CEP290: variants seen among roughly 807,000 people sequenced by gnomAD.
CEP290 encodes the protein centrosomal protein 290.
A neutral mutation model predicts 344.9 loss-of-function variants in CEP290; 317 were observed. That is an observed-to-expected ratio of 0.92 (90% confidence interval 0.84 to 1.01). The LOEUF is 1.01. Among genes scored for constraint, CEP290 ranks in the 50% least tolerant of loss-of-function variants. CEP290 has a pLI of 0.00. For missense variants in CEP290, 2,754 were observed against 2,761.4 expected, an observed-to-expected ratio of 1.00 and a Z score of 0.06; for synonymous variants, 932 against 895.8, an observed-to-expected ratio of 1.04 and a Z score of -0.72.
chr12:88,111,923 T>G, intron 20 of CEP290, 65 bp from the exon 21 acceptor site: 1 of 1,180,656 alleles, frequency 8.5e-7, no homozygotes, highest in Non-Finnish European at 1.1e-6. Context: ...TAAAAAACAG[T>G]CTGTCTTTAA....
intron 43 of CEP290, 55 bp downstream of exon 43, chr12:88,071,238 AG>A: frequency 2.2e-6 from 3 of 1,364,890 alleles, no homozygotes; most frequent in Non-Finnish European, 3.1e-6. Flanking sequence ...TTCAATTTCT[AG>A]GGGTCAACCA....
At chr12:88,105,253 T>C (rs1225340342) in intron 25 of CEP290, among the ~76,000 whole-genome samples, 1 of 152,188 alleles carries the variant, frequency 6.6e-6, no homozygotes, top group Admixed American at 6.5e-5. Context: ...GAGTCAACTT[T>C]AAAGGACTCT....
At chr12:88,108,370 A>G (rs892061401) in intron 23 of CEP290, among the ~76,000 whole-genome samples, 2 of 152,246 alleles carry the variant, frequency 1.3e-5, no homozygotes, top group East Asian at 1.9e-4. Flanking sequence ...CTCTTCTTCA[A>G]TGGGCACATC....
At chr12:88,126,774 G>A (rs997979269) in intron 11 of CEP290, among the ~76,000 whole-genome samples, 6 of 151,966 alleles carry the variant, frequency 3.9e-5, no homozygotes, top group Admixed American at 2.6e-4. Context: ...TATGAAGTAT[G>A]CATTAAAATG....
chr12:88,104,544 A>T (rs571759382), intron 25 of CEP290, among the ~76,000 whole-genome samples: 2 of 152,176 alleles, frequency 1.3e-5, no homozygotes, highest in South Asian at 4.1e-4. Flanking sequence ...TTGCATATAT[A>T]AATATTGTAT....
intron 25 of CEP290, among the ~76,000 whole-genome samples, chr12:88,105,035 T>C (rs975755214): frequency 6.6e-5 from 10 of 152,316 alleles, no homozygotes; most frequent in Admixed American, 5.9e-4. Flanking sequence ...GTGGCAATGA[T>C]ACTCTGAGAG....
chr12:88,121,454 A>G (rs2039394495), intron 13 of CEP290, among the ~76,000 whole-genome samples: 1 of 152,084 alleles, frequency 6.6e-6, no homozygotes, highest in Admixed American at 6.6e-5. Flanking sequence ...AGCTGTTCCT[A>G]ATATTTAACC....
At chr12:88,141,160 A>G (rs2138302183) in intron 2 of CEP290, 46 bp downstream of exon 2, 1 of 1,319,878 alleles carries the variant, frequency 7.6e-7, no homozygotes, top group Non-Finnish European at 1.0e-6. Flanking sequence ...TAATAAATTA[A>G]TCATAAGTTA....
At chr12:88,128,862 T>A (rs1231775818) in intron 11 of CEP290, 84 bp downstream of exon 11, 1 of 748,736 alleles carries the variant, frequency 1.3e-6, no homozygotes, top group African/African-American at 1.9e-5. Flanking sequence ...TAAACCAGTA[T>A]AAGACATTTA....
chr12:88,112,305 C>T (rs1159498030), intron 20 of CEP290, among the ~76,000 whole-genome samples: 2 of 152,000 alleles, frequency 1.3e-5, no homozygotes, highest in African/African-American at 4.8e-5. Context: ...TTATATAGCA[C>T]CTGCATTCAA....
At chr12:88,138,707 T>C (rs149287643) in intron 5 of CEP290, among the ~76,000 whole-genome samples, 60 of 152,304 alleles carry the variant, frequency 3.9e-4, no homozygotes, top group Admixed American at 1.6e-3. Context: ...AGGAAAAGGG[T>C]ATTCCTCCTT....
At chr12:88,075,547 G>GA (rs891779853) in intron 41 of CEP290, among the ~76,000 whole-genome samples, 62 of 144,552 alleles carry the variant, frequency 4.3e-4, no homozygotes, top group Non-Finnish European at 5.0e-4. Flanking sequence ...AATAAAAAAA[G>GA]AAAAAAAAAA....
chr12:88,080,243 G>A lies in CEP290; in HGVS notation c.5165C>T (p.Thr1722Ile), dbSNP rs2036097010. ...KEANSRAPTT[T>I]MRNLVERLKS... ...TAGCCGTTCTACTAGATTTCTCATT[G>A]TAGTTGTTGGAGCTCTTGAATTTGC... Residue 1722 changes from threonine to isoleucine, a missense_variant, in exon 38 of 54, where the codon ACA (threonine) becomes ATA (isoleucine). Thr to Ile is a moderately conservative substitution (Grantham distance 89). Transcript: ENST00000552810. The A allele has an allele frequency of 6.2e-7, 1 of 1,613,082 alleles. No homozygotes were observed. Among genetic ancestry groups the A allele is most frequent in the African/African-American group, 1.3e-5 (1 of 74,856 alleles).
At chr12:88,139,594 T>G in intron 3 of CEP290, 30 bp from the exon 4 acceptor site, 1 of 1,489,298 alleles carries the variant, frequency 6.7e-7, no homozygotes, top group Non-Finnish European at 9.0e-7. Context: ...TATTTCAATA[T>G]GCCTTTATAC....
At chr12:88,072,225 T>C (rs556319167) in intron 41 of CEP290, among the ~76,000 whole-genome samples, 85 of 152,246 alleles carry the variant, frequency 5.6e-4, no homozygotes, top group African/African-American at 2.0e-3. Context: ...CACATACACC[T>C]TCTACACATA....
rs545964640 is a variant in CEP290, at chr12:88,077,261, T to G, written c.5670A>C (p.Gly1890=). The G allele has an allele frequency of 5.0e-6, 8 of 1,605,512 alleles. No homozygotes were observed. In the Admixed American group the frequency reaches 1.0e-4, roughly 20 times the overall value. ...GTTTTAGGTCTACTTCCTCCACCTT[T>G]CCCTCTAATTGGTTCTCTAGTTTTT... ...KVKKLENQLE[G]KVEEVDLKPM... The change falls in exon 41 of 54, where the codon GGA becomes GGC. Residue 1890 remains glycine, a synonymous_variant. Transcript: ENST00000552810.
rs767850697 is a variant in CEP290 at position 88,060,011 on chromosome 12, C to G, written c.6532G>C (p.Glu2178Gln). 1.3e-6 allele frequency: 2 copies of G among 1,546,380 alleles called. No homozygotes were observed. Among genetic ancestry groups the G allele is most frequent in the Non-Finnish European group, 8.7e-7 (1 of 1,149,636 alleles). Residue 2178 changes from glutamate to glutamine, a missense_variant, in exon 48 of 54, where the codon GAA becomes CAA. Physicochemically the swap from Glu to Gln is conservative, Grantham distance 29 (BLOSUM62 2). Transcript: ENST00000552810. Reference sequence around the variant, plus strand: ...TGCCCAAGATGAGCTTTAAGTTTTTCTAATTCAGCCTAGTAAAAAAACAAA... The same window carrying G: ...TGCCCAAGATGAGCTTTAAGTTTTTGTAATTCAGCCTAGTAAAAAAACAAA... ...QENEKLKAEL[E>Q]KLKAHLGHQL...
intron 52 of CEP290, among the ~76,000 whole-genome samples, chr12:88,051,365 A>C (rs894937959): frequency 6.6e-6 from 1 of 151,848 alleles, no homozygotes; most frequent in Non-Finnish European, 1.5e-5. Context: ...TGCCTGGCTA[A>C]TTTTTATATT....
At position 88,089,379 on chromosome 12, in the gene CEP290, G is replaced by C. The variant is rs1282211647; in HGVS notation, c.3682C>G (p.Leu1228Val). ...LGKLESITSKLQKMEAYNLRL... is the reference protein window; with the variant it reads ...LGKLESITSKVQKMEAYNLRL... ...AAGTTGTAGGCCTCCATCTTCTGCA[G>C]TTTAGATGTAATTGACTCCAACTTA... Residue 1228 changes from leucine (L) to valine (V), a missense_variant, in exon 31 of 54, where the codon CTG becomes GTG. By Grantham distance (32) the Leu-to-Val change is conservative. Coordinates refer to ENST00000552810, the MANE Select transcript of CEP290 (RefSeq NM_025114.4). 1.1e-5 allele frequency: 17 copies of C among 1,613,818 alleles called. No homozygotes were observed. The highest frequency in any genetic ancestry group is 1.4e-5 in the Non-Finnish European group (17 of 1,179,816).
Sources: gnomAD v4.1 joint callset for allele counts (sites outside exome capture counted in the v4.1 genomes callset) on GRCh38, gnomAD v4.1.1 for gene constraint, MANE v1.5 for transcripts, NCBI Gene and HGNC (gene_info 2026-07-23, HGNC 2026-07-21) for gene names.